The following MTHFS variants were observed in gnomAD, a reference collection of about 807,000 sequenced individuals.
MTHFS encodes the protein 5-formyltetrahydrofolate cyclo-ligase.
A neutral mutation model predicts 12.7 loss-of-function variants in MTHFS; 7 were observed. That is an observed-to-expected ratio of 0.55 (90% CI 0.31 to 1.03). MTHFS has a LOEUF of 1.03. Among genes scored for constraint, MTHFS ranks in the 50% least tolerant of loss-of-function variants. The pLI is 0.05. For synonymous variants in MTHFS, 100 were observed against 97.1 expected, an observed-to-expected ratio of 1.03 and a Z score of -0.18; for missense variants, 252 against 258.1, an observed-to-expected ratio of 0.98 and a Z score of 0.16.
chr15:79,889,690 G>A (rs866208690), intron 1 of MTHFS, among the ~76,000 whole-genome samples: 2 of 152,068 alleles, frequency 1.3e-5, no homozygotes, highest in East Asian at 1.9e-4. Context: ...AGTAGTCTTC[G>A]GTCATTTCAC....
chr15:79,863,705 T>G (rs1408783522), intron 2 of MTHFS, among the ~76,000 whole-genome samples: 2 of 152,120 alleles, frequency 1.3e-5, no homozygotes, highest in Admixed American at 1.3e-4. Flanking sequence ...ACCCTCTCTT[T>G]CCTCCTGCTG....
At chr15:79,881,265 T>C (rs951984307) in intron 2 of MTHFS, among the ~76,000 whole-genome samples, 5 of 152,226 alleles carry the variant, frequency 3.3e-5, no homozygotes, top group African/African-American at 4.8e-5. Flanking sequence ...AAGTGTTCAA[T>C]AGTACATTCA....
intron 2 of MTHFS, among the ~76,000 whole-genome samples, chr15:79,879,414 G>A (rs778481704): frequency 8.3e-5 from 11 of 132,318 alleles, no homozygotes; most frequent in Admixed American, 3.5e-4. Flanking sequence ...TGCAACTTCC[G>A]CCTCCTGGGT....
chr15:79,854,516 T>A (rs566101867), intron 2 of MTHFS, among the ~76,000 whole-genome samples: 1 of 152,264 alleles, frequency 6.6e-6, no homozygotes, highest in East Asian at 1.9e-4. Context: ...AGATAGACAG[T>A]GGATCTAGAG....
chr15:79,893,676 C>T (rs989833341), intron 1 of MTHFS, among the ~76,000 whole-genome samples: 41 of 128,394 alleles, frequency 3.2e-4, no homozygotes, highest in Non-Finnish European at 5.1e-4. Flanking sequence ...ACAGCCTGGG[C>T]AACAGAGCGA....
intron 2 of MTHFS, among the ~76,000 whole-genome samples, chr15:79,868,342 T>TTTTGTATTGAAAGATTA (rs2034047296): frequency 6.6e-6 from 1 of 152,232 alleles, no homozygotes; most frequent in Non-Finnish European, 1.5e-5. Flanking sequence ...TTGAAAGAGC[T>TTTTGTATTGAAAGATTA]CTGTATCAGG....
intron 2 of MTHFS, among the ~76,000 whole-genome samples, chr15:79,855,297 G>A (rs1339458244): frequency 1.3e-5 from 2 of 152,132 alleles, no homozygotes; most frequent in African/African-American, 4.8e-5. Flanking sequence ...AAAATGCTCT[G>A]CAGAAAATAG....
chr15:79,881,021 A>T (rs1205769335), intron 2 of MTHFS, among the ~76,000 whole-genome samples: 11 of 152,326 alleles, frequency 7.2e-5, no homozygotes, highest in Non-Finnish European at 1.5e-4. Flanking sequence ...TAAGGTTCAG[A>T]GCAATAAACT....
chr15:79,894,948 TTTTC>T lies in MTHFS; in HGVS notation c.117+1920_117+1923del, dbSNP rs1475035117. 3.3e-5 allele frequency among the ~76,000 whole-genome samples: 5 copies of T among 152,326 alleles called. No individual in the cohort carries two copies. The East Asian group carries it at 9.6e-4, about 29-fold the overall frequency. ...AGCCCCTTACTGGTCTCCATATTTT[TTTTC>T]TTTCTTCCTTCCTCAACCCATTATC... On this transcript the variant is annotated intron_variant, in intron 1 of 2. Coordinates refer to ENST00000258874, the MANE Select transcript of MTHFS (RefSeq NM_006441.4).
At chr15:79,887,097 G>A (rs1402742718) in intron 2 of MTHFS, among the ~76,000 whole-genome samples, 5 of 152,094 alleles carry the variant, frequency 3.3e-5, no homozygotes, top group Admixed American at 6.6e-5. Flanking sequence ...AGCCAGCCAC[G>A]GTGGCGCACG....
intron 2 of MTHFS, among the ~76,000 whole-genome samples, chr15:79,848,983 G>C (rs1239947508): frequency 6.6e-6 from 1 of 152,086 alleles, no homozygotes; most frequent in African/African-American, 2.4e-5. Context: ...TTGGCTCAAA[G>C]AGGCAAAAAA....
At chr15:79,883,997 A>G (rs916405086) in intron 2 of MTHFS, among the ~76,000 whole-genome samples, 1 of 152,240 alleles carries the variant, frequency 6.6e-6, no homozygotes, top group Non-Finnish European at 1.5e-5. Flanking sequence ...AGCAAAAACA[A>G]CAGCAGCCAC....
In MTHFS at chr15:79,845,272, G is replaced by A. The variant is rs996619919; in HGVS notation, c.550C>T (p.Pro184Ser). ...AFKEQICLQVPVNENDMKVDE... is the reference protein window; with the variant it reads ...AFKEQICLQVSVNENDMKVDE... The stretch of plus-strand genomic sequence containing the variant: ...ACCTTCATGTCGTTTTCATTCACTG[G>A]GACCTGGAGGCAAATCTGTTCTTTG... The change falls in exon 3 of 3, where the codon CCA (proline) becomes TCA (serine). Residue 184 changes from proline (P) to serine (S), a missense_variant. By Grantham distance (74) the Pro-to-Ser change is moderately conservative. Coordinates refer to ENST00000258874, the MANE Select transcript of MTHFS (RefSeq NM_006441.4). The A allele has an allele frequency of 6.8e-6, 11 of 1,614,148 alleles. No individual in the cohort carries two copies. The highest frequency in any genetic ancestry group is 1.1e-5 in the South Asian group (1 of 91,086).
intron 1 of MTHFS, 120 bp downstream of exon 1, chr15:79,896,751 CG>C (rs762441763): frequency 2.1e-6 from 3 of 1,410,410 alleles, no homozygotes; most frequent in Non-Finnish European, 2.8e-6. Context: ...GTGCGCGCGC[CG>C]GGGGGTGGGG....
intron 2 of MTHFS, among the ~76,000 whole-genome samples, chr15:79,858,632 C>G (rs2033854037): frequency 6.6e-6 from 1 of 152,142 alleles, no homozygotes; most frequent in South Asian, 2.1e-4. Flanking sequence ...AGACTGAAGA[C>G]AAATCTGTCT....
Position 79,889,096 on chromosome 15 carries a change from T to C in MTHFS, c.376A>G (p.Thr126Ala), listed in dbSNP as rs2034428542. Residue 126 changes from threonine (T) to alanine (A), a missense_variant, in exon 2 of 3, where the codon ACA becomes GCA. By Grantham distance (58) the Thr-to-Ala change is moderately conservative (BLOSUM62 0). Coordinates refer to ENST00000258874, the MANE Select transcript of MTHFS (RefSeq NM_006441.4). ...ATCCTAACACCATAATACTCACCTGTGGACAAGGCCTCCTCCCGAACATCA... is the reference window on the plus strand; with the variant it reads ...ATCCTAACACCATAATACTCACCTGCGGACAAGGCCTCCTCCCGAACATCA... ...EGDVREEALS[T>A]GGLDLIFMPG... 6.2e-7 allele frequency: 1 copy of C among 1,614,166 alleles called. No individual in the cohort carries two copies. The highest frequency in any genetic ancestry group is 8.5e-7 in the Non-Finnish European group (1 of 1,180,002).
At chr15:79,850,178 A>T (rs1221317044) in intron 2 of MTHFS, among the ~76,000 whole-genome samples, 1 of 152,144 alleles carries the variant, frequency 6.6e-6, no homozygotes, top group South Asian at 2.1e-4. Flanking sequence ...CTATTTTTTT[A>T]AAAAGAAATC....
Position 79,845,206 on chromosome 15 carries a change from A to C in MTHFS, c.*4T>G, listed in dbSNP as rs1288312670. Reference sequence around the variant, plus strand: ...ACTGATTATTTGGCTGTAGTAATCCAGATTTAAGCTGTTGACGAGTCTTCG... The same window carrying C: ...ACTGATTATTTGGCTGTAGTAATCCCGATTTAAGCTGTTGACGAGTCTTCG... On this transcript the variant is annotated 3_prime_UTR_variant, in exon 3 of 3. Coordinates refer to ENST00000258874, the MANE Select transcript of MTHFS (RefSeq NM_006441.4). 3 of 1,613,938 alleles carry C rather than the reference A, an allele frequency of 1.9e-6. No homozygotes were observed. Among genetic ancestry groups the C allele is most frequent in the Non-Finnish European group, 2.5e-6 (3 of 1,179,912 alleles).
At chr15:79,874,818 T>C (rs1204401385) in intron 2 of MTHFS, among the ~76,000 whole-genome samples, 3 of 152,094 alleles carry the variant, frequency 2.0e-5, no homozygotes, top group Non-Finnish European at 4.4e-5. Context: ...AGAGGAGAAA[T>C]ATGGCTCTGT....
Sources: gnomAD v4.1 joint callset for allele counts (sites outside exome capture counted in the v4.1 genomes callset) on GRCh38, gnomAD v4.1.1 for gene constraint, MANE v1.5 for transcripts, NCBI Gene and HGNC (gene_info 2026-07-23, HGNC 2026-07-21) for gene names.